ANXA13: variants seen among roughly 807,000 people sequenced by gnomAD.
ANXA13 encodes the protein annexin XIII.
In ANXA13, 36 loss-of-function variants were observed where a neutral mutation model predicts 46.6. The ratio of observed to expected loss-of-function variants is 0.77; its 90% CI spans 0.59 to 1.02. The LOEUF (loss-of-function observed/expected upper bound fraction) is 1.02, where lower values mean the gene tolerates loss of function less well. ANXA13 is among the 50% of genes least tolerant of loss of function. The pLI, the probability that ANXA13 is intolerant of heterozygous loss-of-function variation, is 0.00. For synonymous variants in ANXA13, 163 were observed against 152.9 expected, an observed-to-expected ratio of 1.07 and a Z score of -0.49; for missense variants, 417 against 396.5, an observed-to-expected ratio of 1.05 and a Z score of -0.44.
intron 7 of ANXA13, 54 bp downstream of exon 7, chr8:123,693,657 T>A (rs1813281077): frequency 6.9e-6 from 10 of 1,440,560 alleles, no homozygotes; most frequent in Non-Finnish European, 5.7e-6. Context: ...TTGAAAATAA[T>A]GCTAATAAAT....
intron 2 of ANXA13, among the ~76,000 whole-genome samples, chr8:123,705,516 G>A (rs1406722613): frequency 6.6e-6 from 1 of 152,234 alleles, no homozygotes; most frequent in Admixed American, 6.5e-5. Flanking sequence ...TTTTGGCACA[G>A]CACACTATTT....
chr8:123,701,099 C>A (rs1233431029), intron 3 of ANXA13, among the ~76,000 whole-genome samples: 1 of 152,140 alleles, frequency 6.6e-6, no homozygotes, highest in Non-Finnish European at 1.5e-5. Flanking sequence ...TGTGAGCCAC[C>A]TTGCCTGGAC....
At chr8:123,699,037 G>A (rs1313535486) in intron 3 of ANXA13, among the ~76,000 whole-genome samples, 1 of 152,178 alleles carries the variant, frequency 6.6e-6, no homozygotes, top group Admixed American at 6.5e-5. Flanking sequence ...CAATTGCAGA[G>A]GATAACAGGA....
intron 9 of ANXA13, among the ~76,000 whole-genome samples, chr8:123,688,309 GC>G (rs1318522882): frequency 1.3e-5 from 2 of 152,142 alleles, no homozygotes; most frequent in Non-Finnish European, 2.9e-5. Context: ...TGCCTTGTCT[GC>G]CACCATGTAA....
chr8:123,735,120 A>C (rs1814228224), intron 1 of ANXA13, among the ~76,000 whole-genome samples: 2 of 152,000 alleles, frequency 1.3e-5, no homozygotes, highest in African/African-American at 2.4e-5. Context: ...ACTCAAAAAA[A>C]AAAAAAAAAA....
At chr8:123,726,478 A>G (rs1318111423) in intron 1 of ANXA13, among the ~76,000 whole-genome samples, 1 of 152,226 alleles carries the variant, frequency 6.6e-6, no homozygotes, top group Non-Finnish European at 1.5e-5. Flanking sequence ...GAGCTGTGGT[A>G]TAGGGAGTCC....
chr8:123,735,349 A>C (rs1338911613), intron 1 of ANXA13, among the ~76,000 whole-genome samples: 2 of 152,212 alleles, frequency 1.3e-5, no homozygotes, highest in African/African-American at 4.8e-5. Flanking sequence ...TAACTTTCTA[A>C]TGCAAATAAG....
intron 1 of ANXA13, chr8:123,735,731 T>A: frequency 1.2e-6 from 2 of 1,601,176 alleles, no homozygotes; most frequent in South Asian, 2.3e-5. Context: ...TACCTATGAT[T>A]TGGGGGGAAA....
chr8:123,693,089 A>G lies in ANXA13; in HGVS notation c.642+108T>C, dbSNP rs147872910. Reference sequence around the variant, plus strand: ...GGAAAATCGCCTCCAATTGAGAACCACTGTTGTAAAGGATCCCCAATTCCT... The same window carrying G: ...GGAAAATCGCCTCCAATTGAGAACCGCTGTTGTAAAGGATCCCCAATTCCT... On this transcript the variant is annotated intron_variant, in intron 8 of 10. Coordinates refer to ENST00000419625, the MANE Select transcript of ANXA13 (RefSeq NM_004306.4). 3,293 of 918,504 alleles carry G rather than the reference A, an allele frequency of 3.6e-3. 11 individuals are homozygous for G. Among genetic ancestry groups the G allele is most frequent in the Non-Finnish European group, 4.3e-3 (2,475 of 581,524 alleles). 56.9% of individuals were successfully genotyped at this position (918,504 alleles called of 1,614,324 possible). A position where few individuals can be genotyped will look rare whatever the true frequency, so the allele number is the denominator to read the frequency against.
intron 1 of ANXA13, among the ~76,000 whole-genome samples, chr8:123,714,978 G>A (rs1015323688): frequency 2.0e-5 from 3 of 152,204 alleles, no homozygotes; most frequent in South Asian, 2.1e-4. Flanking sequence ...TCTGTGCAGC[G>A]CACAATACTG....
chr8:123,709,179 A>T (rs1813605878), intron 2 of ANXA13, among the ~76,000 whole-genome samples: 1 of 152,156 alleles, frequency 6.6e-6, no homozygotes, highest in African/African-American at 2.4e-5. Flanking sequence ...CATTGTTCCA[A>T]AGGAGGCGAT....
At chr8:123,726,772 A>T (rs545065763) in intron 1 of ANXA13, among the ~76,000 whole-genome samples, 1 of 152,366 alleles carries the variant, frequency 6.6e-6, no homozygotes, top group South Asian at 2.1e-4. Flanking sequence ...ATAGCAGCAC[A>T]ATTTGCGATT....
At chr8:123,729,452 G>T (rs915088084) in intron 1 of ANXA13, among the ~76,000 whole-genome samples, 7 of 152,194 alleles carry the variant, frequency 4.6e-5, no homozygotes, top group Non-Finnish European at 7.3e-5. Context: ...CTTTTGACCA[G>T]TTCTGGCCAG....
chr8:123,702,656 C>T lies in ANXA13; in HGVS notation c.172G>A (p.Ala58Thr), dbSNP rs774692143. The change falls in exon 3 of 11, where the codon GCA (alanine) becomes ACA (threonine). Residue 58 changes from alanine (A) to threonine (T), a missense_variant. Transcript: ENST00000419625. ...CCTGGAATCACCTTGCCGTACGTTG[C>T]CTTGTACTTTTGCTTGATTTGTTGC... Reference protein sequence around the residue: ...ERQQIKQKYKATYGKELEEVL... With the variant: ...ERQQIKQKYKTTYGKELEEVL... The T allele has an allele frequency of 1.2e-6, 2 of 1,613,940 alleles. No homozygotes were observed. The highest frequency in any genetic ancestry group is 2.2e-5 in the South Asian group (2 of 91,072).
rs111790609 is a variant in ANXA13 at position 123,712,222 on chromosome 8, C to G, written c.91+456G>C. The G allele has an allele frequency of 2.4e-3, 414 of 172,968 alleles. 4 individuals are homozygous for G. The highest frequency in any genetic ancestry group is 9.5e-3 in the African/African-American group (398 of 42,088). 10.7% of individuals were successfully genotyped at this position (172,968 alleles called of 1,614,324 possible). Reference sequence around the variant, plus strand: ...ACTCCTTTCACTTGGTTCTCATTCTCTCTTTCCTGCTGCCATATAAGAAGT... The same window carrying G: ...ACTCCTTTCACTTGGTTCTCATTCTGTCTTTCCTGCTGCCATATAAGAAGT... On this transcript the variant is annotated intron_variant, in intron 2 of 10. Transcript: ENST00000419625.
At chr8:123,688,980 G>C in intron 8 of ANXA13, 34 bp from the exon 9 acceptor site, 1 of 1,608,696 alleles carries the variant, frequency 6.2e-7, no homozygotes, top group South Asian at 1.1e-5. Context: ...TGTTATTCCA[G>C]GTTTGCCTTT....
At chr8:123,733,456 C>T (rs1586345394) in intron 1 of ANXA13, among the ~76,000 whole-genome samples, 3 of 152,302 alleles carry the variant, frequency 2.0e-5, no homozygotes, top group African/African-American at 7.2e-5. Context: ...TTCAGATGTT[C>T]TTTGTCCACG....
intron 3 of ANXA13, among the ~76,000 whole-genome samples, chr8:123,698,999 C>T (rs73331947): frequency 0.043 from 6,542 of 152,230 alleles, 439 homozygotes; most frequent in African/African-American, 0.15. Context: ...ATTGGGATGC[C>T]TTTCAGTGTG....
intron 2 of ANXA13, among the ~76,000 whole-genome samples, chr8:123,710,294 A>C (rs1813631204): frequency 6.6e-6 from 1 of 152,216 alleles, no homozygotes; most frequent in Non-Finnish European, 1.5e-5. Flanking sequence ...TTTATGTGAA[A>C]TGTCCAGAAT....
Sources: gnomAD v4.1 joint callset for allele counts (sites outside exome capture counted in the v4.1 genomes callset) on GRCh38, gnomAD v4.1.1 for gene constraint, MANE v1.5 for transcripts, NCBI Gene and HGNC (gene_info 2026-07-23, HGNC 2026-07-21) for gene names.